SNX29: variants seen among roughly 807,000 people sequenced by gnomAD.
The protein encoded by SNX29 is sorting nexin 29.
SNX29 carries 78 observed loss-of-function variants against 102.1 expected under a neutral mutation model. The observed-to-expected ratio is 0.76, with a 90% CI of 0.64 to 0.92. The LOEUF (loss-of-function observed/expected upper bound fraction) is 0.92. Ranked by LOEUF, SNX29 falls within the 40% of genes least tolerant of loss-of-function variation. The probability of loss-of-function intolerance (pLI) is 0.00; values close to 1 mark genes in which losing one functional copy is unlikely to be tolerated. For synonymous variants in SNX29, 580 were observed against 414.5 expected (o/e 1.40, Z -4.85); for missense variants, 1,280 against 1,061.7 (o/e 1.21, Z -2.86).
intron 1 of SNX29, among the ~76,000 whole-genome samples, chr16:11,992,738 A>T (rs890021036): frequency 2.8e-4 from 43 of 152,250 alleles, no homozygotes; most frequent in Admixed American, 2.5e-3. Flanking sequence ...GTGGGCACTC[A>T]AAGAGCATTG....
chr16:12,557,870 G>C (rs968966222), intron 20 of SNX29, among the ~76,000 whole-genome samples: 5 of 152,192 alleles, frequency 3.3e-5, no homozygotes, highest in African/African-American at 1.2e-4. Context: ...ATTCCAGCGA[G>C]TGGAGGAGGG....
chr16:12,569,933 A>T lies in SNX29; in HGVS notation c.*1304A>T. The T allele has an allele frequency of 4.3e-6, 1 of 232,768 alleles. No individual in the cohort carries two copies. Among genetic ancestry groups the T allele is most frequent in the South Asian group, 1.8e-4 (1 of 5,530 alleles). 14.4% of individuals were successfully genotyped at this position (232,768 alleles called of 1,614,324 possible). On this transcript the variant is annotated 3_prime_UTR_variant, in exon 21 of 21. Transcript: ENST00000566228. ...AGACACAGCAGAACCTGAGGAGAAA[A>T]GCAGGTGGAAGGTGACGGTTAGATG... is the stretch of plus-strand genomic sequence containing the variant.
intron 15 of SNX29, among the ~76,000 whole-genome samples, chr16:12,311,981 T>TC: frequency 6.6e-6 from 1 of 152,338 alleles, no homozygotes; most frequent in Admixed American, 6.5e-5. Flanking sequence ...TCTGCTTTGT[T>TC]ACTCCACTGG....
At chr16:12,445,393 G>A (rs913092066) in intron 18 of SNX29, among the ~76,000 whole-genome samples, 3 of 152,022 alleles carry the variant, frequency 2.0e-5, no homozygotes, top group South Asian at 4.1e-4. Context: ...TCCATTCTAC[G>A]CTGTTCATTC....
At chr16:12,104,012 T>C (rs1448662858) in intron 11 of SNX29, among the ~76,000 whole-genome samples, 1 of 152,204 alleles carries the variant, frequency 6.6e-6, no homozygotes, top group Non-Finnish European at 1.5e-5. Flanking sequence ...CTTGCAAAAA[T>C]GACCTATACT....
chr16:12,445,618 A>T (rs148948921), intron 18 of SNX29, among the ~76,000 whole-genome samples: 1 of 152,200 alleles, frequency 6.6e-6, no homozygotes, highest in Non-Finnish European at 1.5e-5. Context: ...TCCCAGGTCC[A>T]CCTAAGCTAA....
At chr16:12,416,022 G>T (rs1413993460) in intron 18 of SNX29, among the ~76,000 whole-genome samples, 2 of 152,084 alleles carry the variant, frequency 1.3e-5, no homozygotes, top group African/African-American at 4.8e-5. Flanking sequence ...TCAGACACAT[G>T]CATCTGCCTC....
intron 20 of SNX29, among the ~76,000 whole-genome samples, chr16:12,554,635 C>A (rs1394177758): frequency 6.6e-6 from 1 of 152,190 alleles, no homozygotes; most frequent in South Asian, 2.1e-4. Flanking sequence ...CCTCAGTTTC[C>A]CCAGGTTTCA....
chr16:12,250,605 G>A (rs907201229), intron 14 of SNX29, among the ~76,000 whole-genome samples: 5 of 152,212 alleles, frequency 3.3e-5, no homozygotes, highest in African/African-American at 1.2e-4. Context: ...CTCGGGTTGT[G>A]TTTTGGGAGA....
intron 14 of SNX29, among the ~76,000 whole-genome samples, chr16:12,240,656 G>C (rs139042137): frequency 7.1e-6 from 1 of 140,208 alleles, no homozygotes; most frequent in Admixed American, 7.5e-5. Context: ...GAGTGCAGCG[G>C]CATGATCTCA....
At chr16:11,993,607 C>T (rs2055939864) in intron 1 of SNX29, among the ~76,000 whole-genome samples, 1 of 151,964 alleles carries the variant, frequency 6.6e-6, no homozygotes, top group South Asian at 2.1e-4. Flanking sequence ...CTATGATGAG[C>T]CTGAAGGAGG....
chr16:12,165,146 T>A (rs754497955), intron 13 of SNX29, among the ~76,000 whole-genome samples: 2 of 152,218 alleles, frequency 1.3e-5, no homozygotes, highest in Non-Finnish European at 2.9e-5. Context: ...TCTTATTAAG[T>A]GGGAAATACA....
chr16:12,444,256 AC>A, intron 18 of SNX29, among the ~76,000 whole-genome samples: 1 of 149,936 alleles, frequency 6.7e-6, no homozygotes, highest in Admixed American at 6.6e-5. Flanking sequence ...AGCACCGAGC[AC>A]GTAGTAAGCA....
At chr16:12,353,921 C>T (rs1480201449) in intron 15 of SNX29, among the ~76,000 whole-genome samples, 1 of 152,206 alleles carries the variant, frequency 6.6e-6, no homozygotes, top group East Asian at 1.9e-4. Context: ...TGGAGGGCAC[C>T]TGTTCTCTCT....
Position 12,061,013 on chromosome 16 carries a change from G to A in SNX29, c.1125-515G>A, listed in dbSNP as rs982775407. On this transcript the variant is annotated intron_variant, in intron 8 of 20. Transcript: ENST00000566228. ...TAGGTCAGGTGGCTGCTGTCATTTC[G>A]GAACGTGGAGCAGATGGCCTGTGAT... Among the ~76,000 whole-genome samples the A allele has an allele frequency of 5.3e-5, 8 of 152,278 alleles. No homozygotes were observed. In the East Asian group the frequency reaches 7.7e-4, roughly 15 times the overall value.
chr16:12,037,769 T>C (rs1250372827), intron 4 of SNX29, among the ~76,000 whole-genome samples: 1 of 151,190 alleles, frequency 6.6e-6, no homozygotes, highest in African/African-American at 2.4e-5. Context: ...TTGAGTAACA[T>C]AGTAAGACCC....
chr16:12,160,581 C>A (rs2055741999), intron 13 of SNX29, among the ~76,000 whole-genome samples: 1 of 152,082 alleles, frequency 6.6e-6, no homozygotes, highest in Non-Finnish European at 1.5e-5. Context: ...TTGGGAGTGA[C>A]TGCTAATGGA....
chr16:12,381,880 C>T (rs777572958), intron 16 of SNX29, among the ~76,000 whole-genome samples: 2 of 149,868 alleles, frequency 1.3e-5, no homozygotes, highest in Non-Finnish European at 3.0e-5. Context: ...ATCATGCATC[C>T]TCCCATTCAC....
chr16:12,539,069 G>A (rs559686313), intron 20 of SNX29, among the ~76,000 whole-genome samples: 7 of 152,296 alleles, frequency 4.6e-5, no homozygotes, highest in South Asian at 2.1e-4. Flanking sequence ...TTCTGGGATA[G>A]GGCCAAGTTT....
Sources: gnomAD v4.1 joint callset for allele counts (sites outside exome capture counted in the v4.1 genomes callset) on GRCh38, gnomAD v4.1.1 for gene constraint, MANE v1.5 for transcripts, NCBI Gene and HGNC (gene_info 2026-07-23, HGNC 2026-07-21) for gene names.